ATP6V0A4: variants seen among roughly 807,000 people sequenced by gnomAD.
ATP6V0A4 encodes V-type proton ATPase 116 kDa subunit a 4.
A neutral mutation model predicts 107.3 loss-of-function variants in ATP6V0A4; 86 were observed. That is an observed-to-expected ratio of 0.80 (90% CI 0.67 to 0.96). The LOEUF is 0.96. Among genes scored for constraint, ATP6V0A4 ranks in the 40% least tolerant of loss-of-function variants. ATP6V0A4 has a pLI of 0.00. For synonymous variants in ATP6V0A4, 353 were observed against 381.4 expected (o/e 0.93, Z 0.87); for missense variants, 908 against 1,045.6 (o/e 0.87, Z 1.81).
chr7:138,764,169 T>C (rs1353213099), intron 5 of ATP6V0A4, among the ~76,000 whole-genome samples: 1 of 151,034 alleles, frequency 6.6e-6, no homozygotes, highest in African/African-American at 2.4e-5. Context: ...AATAAAACTA[T>C]GAAAAAATAA....
chr7:138,718,686 G>GGCGGGT (rs1804276546), intron 19 of ATP6V0A4, among the ~76,000 whole-genome samples: 1 of 40,776 alleles, frequency 2.5e-5, no homozygotes, highest in Non-Finnish European at 4.9e-5. Flanking sequence ...CGGGGGGGGG[G>GGCGGGT]GGTGCAGTCA....
intron 16 of ATP6V0A4, 48 bp downstream of exon 16, chr7:138,734,088 A>G (rs371935296): frequency 7.1e-6 from 11 of 1,557,342 alleles, no homozygotes; most frequent in Admixed American, 1.7e-5. Flanking sequence ...ACCATTCATC[A>G]TCAGTGTGAT....
Position 138,749,216 on chromosome 7 carries a change from C to G in ATP6V0A4, c.1131G>C (p.Gln377His). The G allele has an allele frequency of 6.2e-7, 1 of 1,613,026 alleles. No homozygotes were observed. Among genetic ancestry groups the G allele is most frequent in the Non-Finnish European group, 8.5e-7 (1 of 1,179,522 alleles). The change falls in exon 12 of 22, where the codon CAG becomes CAC. Residue 377 changes from glutamine (Q) to histidine (H), a missense_variant. By Grantham distance (24) the Gln-to-His change is conservative. Coordinates refer to ENST00000310018, the MANE Select transcript of ATP6V0A4 (RefSeq NM_020632.3). Reference protein sequence around the residue: ...NRTNKFTAGFQNIVDAYGVGS... With the variant: ...NRTNKFTAGFHNIVDAYGVGS... ...CGACACCATAGGCATCAACAATATT[C>G]TGGAAGCCAGCTGTGAATTTATTGG...
intron 17 of ATP6V0A4, among the ~76,000 whole-genome samples, chr7:138,730,932 T>TTCTTCTTCTTCTTC (rs1419584318): frequency 1.0e-4 from 1 of 9,834 alleles, no homozygotes; most frequent in African/African-American, 3.3e-4. Context: ...CTTCTTCTTC[T>TTCTTCTTCTTCTTC]TTTTTTATTT....
rs1554398837 is a variant in ATP6V0A4, at chr7:138,760,460, A to AG, written c.513-583_513-582insC. Among the ~76,000 whole-genome samples the AG allele has an allele frequency of 9.4e-3, 1,365 of 145,016 alleles. 49 individuals carry two copies. The highest frequency in any genetic ancestry group is 0.032 in the African/African-American group (1,210 of 38,330). On this transcript the variant is annotated intron_variant, in intron 7 of 21. Transcript: ENST00000310018. ...ACTCTGTCTCAAAAAAAAAAAAAAA[A>AG]AAAAGAATATGATAGACCATTCATC... is the stretch of plus-strand genomic sequence containing the variant.
At chr7:138,746,925 A>G (rs191111237) in intron 13 of ATP6V0A4, among the ~76,000 whole-genome samples, 136 of 152,366 alleles carry the variant, frequency 8.9e-4, no homozygotes, top group African/African-American at 3.1e-3. Flanking sequence ...GTTCAGAAGA[A>G]CACGGGTCCC....
Position 138,709,711 on chromosome 7 carries a change from A to G in ATP6V0A4, c.2342T>C (p.Ile781Thr). The G allele has an allele frequency of 6.2e-7, 1 of 1,613,844 alleles. No individual in the cohort carries two copies. Among genetic ancestry groups the G allele is most frequent in the Non-Finnish European group, 8.5e-7 (1 of 1,179,908 alleles). Reference protein sequence around the residue: ...GWGGIVGVFIIFAVFAVLTVA... With the variant: ...GWGGIVGVFITFAVFAVLTVA... ...TGTCAGGACAGCAAATACGGCAAAA[A>G]TAATAAAAACCCCGACGATTCCTCC... is the stretch of plus-strand genomic sequence containing the variant. The change falls in exon 21 of 22, where the codon ATT (isoleucine) becomes ACT (threonine). Residue 781 changes from isoleucine to threonine, a missense_variant. Ile to Thr is a moderately conservative substitution (Grantham distance 89, BLOSUM62 -1). Coordinates refer to ENST00000310018, the MANE Select transcript of ATP6V0A4 (RefSeq NM_020632.3).
intron 9 of ATP6V0A4, chr7:138,755,995 T>C: frequency 3.8e-6 from 3 of 797,054 alleles, no homozygotes; most frequent in South Asian, 3.5e-5. Context: ...TTCTGTTATA[T>C]GAATGAGCTT....
intron 13 of ATP6V0A4, among the ~76,000 whole-genome samples, chr7:138,745,649 C>G (rs950738687): frequency 5.8e-5 from 2 of 34,304 alleles, no homozygotes; most frequent in African/African-American, 3.3e-4. Flanking sequence ...TGCGCTCCAG[C>G]CTGTGTCTCA....
At chr7:138,778,464 A>G (rs1807772116) in intron 2 of ATP6V0A4, among the ~76,000 whole-genome samples, 1 of 151,416 alleles carries the variant, frequency 6.6e-6, no homozygotes, top group Non-Finnish European at 1.5e-5. Flanking sequence ...ATATTCCAAA[A>G]TCTGAAAAAG....
At position 138,793,632 on chromosome 7, in the gene ATP6V0A4, T is replaced by C. The variant is rs76512846; in HGVS notation, c.-121+4402A>G. Among the ~76,000 whole-genome samples, 590 of 152,260 alleles carry C rather than the reference T, an allele frequency of 3.9e-3. 11 individuals carry two copies. The East Asian group carries it at 0.064, about 17-fold the overall frequency. On this transcript the variant is annotated intron_variant, in intron 1 of 21. Coordinates refer to ENST00000310018, the MANE Select transcript of ATP6V0A4 (RefSeq NM_020632.3). ...AATTGGTCATATGGTGTCTTTTAAC[T>C]AACATCAAAAAATAGAAATCATCAA...
Position 138,789,758 on chromosome 7 carries a change from G to A in ATP6V0A4, c.-120-3498C>T, listed in dbSNP as rs190050203. Among the ~76,000 whole-genome samples, 419 of 150,952 alleles carry A rather than the reference G, an allele frequency of 2.8e-3. 2 individuals are homozygous for A. Among genetic ancestry groups the A allele is most frequent in the African/African-American group, 9.5e-3 (391 of 41,174 alleles). ...GGCTGAGGCAGGTGGATCACCTGAG[G>A]TTGGGAGTTTGAGACCAGCCTGACC... On this transcript the variant is annotated intron_variant, in intron 1 of 21. Transcript: ENST00000310018.
chr7:138,798,130 G>T lies in ATP6V0A4; in HGVS notation c.-217C>A. 1.2e-6 allele frequency: 2 copies of T among 1,601,504 alleles called. No individual in the cohort carries two copies. The highest frequency in any genetic ancestry group is 8.5e-7 in the Non-Finnish European group (1 of 1,174,712). ...ATGCAGCGCCTCCCCGCTGCCACCCGGGCCACCCTGATCCTCAGCCTGGCC... is the reference window on the plus strand; with the variant it reads ...ATGCAGCGCCTCCCCGCTGCCACCCTGGCCACCCTGATCCTCAGCCTGGCC... On this transcript the variant is annotated 5_prime_UTR_variant, in exon 1 of 22. Coordinates refer to ENST00000310018, the MANE Select transcript of ATP6V0A4 (RefSeq NM_020632.3).
At chr7:138,791,328 A>C (rs1361433635) in intron 1 of ATP6V0A4, among the ~76,000 whole-genome samples, 3 of 152,228 alleles carry the variant, frequency 2.0e-5, no homozygotes, top group Non-Finnish European at 4.4e-5. Flanking sequence ...AGAATAAAGA[A>C]GAAGGTAAGA....
intron 20 of ATP6V0A4, among the ~76,000 whole-genome samples, chr7:138,710,818 C>T (rs1239987854): frequency 6.6e-6 from 1 of 152,048 alleles, no homozygotes; most frequent in African/African-American, 2.4e-5. Flanking sequence ...GAAAAATGCA[C>T]ACAGAGACGC....
intron 5 of ATP6V0A4, among the ~76,000 whole-genome samples, chr7:138,764,387 T>C (rs1401547491): frequency 6.6e-6 from 1 of 151,986 alleles, no homozygotes; most frequent in African/African-American, 2.4e-5. Flanking sequence ...AATTTAATGT[T>C]TAACAAAAAC....
rs778947921 is a variant in ATP6V0A4, at chr7:138,728,811, T to A, written c.1960A>T (p.Met654Leu). 8 of 1,614,162 alleles carry A rather than the reference T, an allele frequency of 5.0e-6. No individual in the cohort carries two copies. The highest frequency in any genetic ancestry group is 4.5e-5 in the East Asian group (2 of 44,878). Residue 654 changes from methionine to leucine, a missense_variant, in exon 18 of 22, where the codon ATG becomes TTG. Physicochemically the swap from Met to Leu is conservative, Grantham distance 15 (BLOSUM62 2). Coordinates refer to ENST00000310018, the MANE Select transcript of ATP6V0A4 (RefSeq NM_020632.3). Reference sequence around the variant, plus strand: ...AGAATAAACGGCTTAATCAGAAGCATCCACGGCACAGAAATCAAAGCCATA... The same window carrying A: ...AGAATAAACGGCTTAATCAGAAGCAACCACGGCACAGAAATCAAAGCCATA... ...VVMALISVPW[M>L]LLIKPFILRA...
intron 1 of ATP6V0A4, among the ~76,000 whole-genome samples, chr7:138,789,177 G>A (rs1050597768): frequency 3.3e-5 from 5 of 151,926 alleles, no homozygotes; most frequent in Non-Finnish European, 7.4e-5. Flanking sequence ...ATGATAGGCA[G>A]TAATCTGCAC....
chr7:138,707,350 A>AATATATATTATATTAT (rs1554386050), intron 21 of ATP6V0A4, among the ~76,000 whole-genome samples: 213 of 90,358 alleles, frequency 2.4e-3, no homozygotes, highest in Middle Eastern at 5.4e-3. Flanking sequence ...TATATATTAT[A>AATATATATTATATTAT]ATATATATTA....
Sources: gnomAD v4.1 joint callset for allele counts (sites outside exome capture counted in the v4.1 genomes callset) on GRCh38, gnomAD v4.1.1 for gene constraint, MANE v1.5 for transcripts, NCBI Gene and HGNC (gene_info 2026-07-23, HGNC 2026-07-21) for gene names.